The following EYA3 variants were observed in gnomAD, a reference collection of about 807,000 sequenced individuals.
EYA3 encodes the protein protein phosphatase EYA3.
Under a neutral mutation model 80.0 loss-of-function variants are expected in EYA3, and 39 were observed. That is an observed-to-expected ratio of 0.49 (90% confidence interval 0.38 to 0.64). The LOEUF is 0.64. Ranked by LOEUF, EYA3 falls within the 30% of genes least tolerant of loss-of-function variation. The probability of loss-of-function intolerance (pLI) is 0.00; values close to 1 mark genes in which losing one functional copy is unlikely to be tolerated. For synonymous variants in EYA3, 206 were observed against 232.8 expected (o/e 0.88, Z 1.05); for missense variants, 523 against 676.1 (o/e 0.77, Z 2.51).
chr1:28,028,296 G>A (rs1318041145), intron 6 of EYA3, among the ~76,000 whole-genome samples: 1 of 152,152 alleles, frequency 6.6e-6, no homozygotes, highest in South Asian at 2.1e-4. Context: ...TATCCAAACT[G>A]TCAAGGTAGG....
chr1:27,975,027 G>A (rs889793814), intron 17 of EYA3, among the ~76,000 whole-genome samples: 24 of 152,148 alleles, frequency 1.6e-4, no homozygotes, highest in Non-Finnish European at 3.2e-4. Flanking sequence ...CTGTCTCATG[G>A]ATGGTCAATT....
chr1:28,036,793 T>C (rs1469829101), intron 5 of EYA3, among the ~76,000 whole-genome samples: 1 of 152,146 alleles, frequency 6.6e-6, no homozygotes, highest in Non-Finnish European at 1.5e-5. Context: ...AAAAAGAAAA[T>C]GCTATTTGTA....
intron 1 of EYA3, among the ~76,000 whole-genome samples, chr1:28,081,506 C>G (rs180778267): frequency 6.6e-6 from 1 of 152,134 alleles, no homozygotes; most frequent in Non-Finnish European, 1.5e-5. Context: ...TATTTAGGTA[C>G]TATTTTTTAT....
In EYA3 at chr1:28,010,985, T is replaced by C; in HGVS notation, c.871A>G (p.Lys291Glu). 1 of 1,614,138 alleles carries C rather than the reference T, an allele frequency of 6.2e-7. No homozygotes were observed. The highest frequency in any genetic ancestry group is 1.1e-5 in the South Asian group (1 of 91,084). Residue 291 changes from lysine to glutamate, a missense_variant, in exon 10 of 18, where the codon AAA becomes GAA. Coordinates refer to ENST00000373871, the MANE Select transcript of EYA3 (RefSeq NM_001990.4). ...NMTSKNRGKR[K>E]ADATSSQDSE... is the part of the protein sequence containing the mutation. The stretch of plus-strand genomic sequence containing the variant: ...TCTTGGGAAGAAGTGGCATCAGCTT[T>C]CCTCTTGCCCCGGTTCTTGCTAGTC...
chr1:28,059,523 T>C (rs1266034725), intron 1 of EYA3, among the ~76,000 whole-genome samples: 1 of 152,198 alleles, frequency 6.6e-6, no homozygotes, highest in African/African-American at 2.4e-5. Flanking sequence ...CTATGAAAGA[T>C]CAAACATTTT....
chr1:28,018,110 C>T (rs1441667353), intron 7 of EYA3, among the ~76,000 whole-genome samples: 3 of 151,740 alleles, frequency 2.0e-5, no homozygotes, highest in African/African-American at 4.8e-5. Flanking sequence ...ACATGAGAAT[C>T]GCTTGAACTC....
intron 16 of EYA3, among the ~76,000 whole-genome samples, chr1:27,987,657 G>T (rs916313417): frequency 4.6e-5 from 7 of 152,040 alleles, no homozygotes; most frequent in Non-Finnish European, 7.4e-5. Context: ...GTGCACAAAG[G>T]TTCCAATTTC....
intron 1 of EYA3, among the ~76,000 whole-genome samples, chr1:28,068,362 A>G (rs987739775): frequency 6.6e-6 from 1 of 151,526 alleles, no homozygotes; most frequent in African/African-American, 2.4e-5. Flanking sequence ...TACATTCCTA[A>G]TATTATTACC....
In EYA3 at chr1:27,975,164, G is replaced by A. The variant is rs969749467; in HGVS notation, c.1642-618C>T. 2.6e-5 allele frequency among the ~76,000 whole-genome samples: 4 copies of A among 151,926 alleles called. No individual in the cohort carries two copies. In the East Asian group the frequency reaches 5.8e-4, roughly 22 times the overall value. On this transcript the variant is annotated intron_variant, in intron 17 of 17. Coordinates refer to ENST00000373871, the MANE Select transcript of EYA3 (RefSeq NM_001990.4). ...AATCATGTCCAGAAAACTGTGTGCT[G>A]TTCTGGAGGCCATATTTTACTTTTT... is the stretch of plus-strand genomic sequence containing the variant.
chr1:28,044,838 T>A (rs1324007093), intron 3 of EYA3, among the ~76,000 whole-genome samples: 1 of 152,138 alleles, frequency 6.6e-6, no homozygotes, highest in Non-Finnish European at 1.5e-5. Flanking sequence ...AGTGGCTCGA[T>A]CATGGCTCCT....
At chr1:28,079,044 GTCT>G (rs1166495709) in intron 1 of EYA3, among the ~76,000 whole-genome samples, 7 of 152,332 alleles carry the variant, frequency 4.6e-5, no homozygotes, top group Non-Finnish European at 7.4e-5. Context: ...AAGATGGCAA[GTCT>G]TCTTCTTTAT....
At chr1:28,041,327 G>A (rs1643765174) in intron 4 of EYA3, among the ~76,000 whole-genome samples, 1 of 152,120 alleles carries the variant, frequency 6.6e-6, no homozygotes, top group Non-Finnish European at 1.5e-5. Context: ...TCTTGCCATT[G>A]CATTCCAGCC....
In EYA3 at chr1:28,058,114, T is replaced by C; in HGVS notation, c.-68-20A>G. On this transcript the variant is annotated intron_variant, in intron 1 of 17. Transcript: ENST00000373871. ...CACAATCTGTTTTTAAAAAGGAGGATTCAAAGCTTTATACACTCTTAAAGT... is the reference window on the plus strand; with the variant it reads ...CACAATCTGTTTTTAAAAAGGAGGACTCAAAGCTTTATACACTCTTAAAGT... 2 of 1,095,894 alleles carry C rather than the reference T, an allele frequency of 1.8e-6. No individual in the cohort carries two copies. Among genetic ancestry groups the C allele is most frequent in the Non-Finnish European group, 2.6e-6 (2 of 761,058 alleles). The allele number at this position is 1,095,894 out of a possible 1,614,324, so 67.9% of individuals were successfully genotyped here.
intron 1 of EYA3, among the ~76,000 whole-genome samples, chr1:28,073,115 ATATATATATATATT>A (rs1173218698): frequency 6.4e-5 from 3 of 46,568 alleles, no homozygotes; most frequent in African/African-American, 3.6e-4. Context: ...ATATATATAT[ATATATATATATATT>A]TTTTTTTTTT....
chr1:28,086,297 T>G (rs942873156), intron 1 of EYA3, among the ~76,000 whole-genome samples: 2 of 151,916 alleles, frequency 1.3e-5, no homozygotes, highest in African/African-American at 4.8e-5. Context: ...CACTGTAACC[T>G]CAAAATCTTG....
intron 1 of EYA3, 27 bp from the exon 2 acceptor site, chr1:28,058,121 CT>C: frequency 3.3e-6 from 3 of 920,682 alleles, no homozygotes; most frequent in Non-Finnish European, 4.9e-6. Flanking sequence ...GGATTCAAAG[CT>C]TTATACACTC....
intron 1 of EYA3, among the ~76,000 whole-genome samples, chr1:28,061,624 G>A (rs1019210241): frequency 6.6e-6 from 1 of 151,432 alleles, no homozygotes. Flanking sequence ...TTTTGAGATG[G>A]AGTCTCGCTC....
chr1:28,078,882 G>C (rs1645319707), intron 1 of EYA3, among the ~76,000 whole-genome samples: 1 of 152,198 alleles, frequency 6.6e-6, no homozygotes, highest in Admixed American at 6.5e-5. Context: ...TTCAAAGCCT[G>C]AGTTCTCAAA....
At position 28,010,998 on chromosome 1, in the gene EYA3, G is replaced by A; in HGVS notation, c.858C>T (p.Asn286=). ...DQSRKNMTSK[N]RGKRKADATS... ...TGGCATCAGCTTTCCTCTTGCCCCG[G>A]TTCTTGCTAGTCATGTTTTTCCTGG... The change falls in exon 10 of 18, where the codon AAC becomes AAT. Residue 286 remains asparagine (N), a synonymous_variant. Coordinates refer to ENST00000373871, the MANE Select transcript of EYA3 (RefSeq NM_001990.4). The A allele has an allele frequency of 6.2e-7, 1 of 1,614,076 alleles. No individual in the cohort carries two copies. The highest frequency in any genetic ancestry group is 1.3e-5 in the African/African-American group (1 of 75,034).
Sources: gnomAD v4.1 joint callset for allele counts (sites outside exome capture counted in the v4.1 genomes callset) on GRCh38, gnomAD v4.1.1 for gene constraint, MANE v1.5 for transcripts, NCBI Gene and HGNC (gene_info 2026-07-23, HGNC 2026-07-21) for gene names.